The following GFRA3 variants were observed in gnomAD, a reference collection of about 807,000 sequenced individuals.
The protein encoded by GFRA3 is GDNF family receptor alpha 3.
A neutral mutation model predicts 40.0 loss-of-function variants in GFRA3; 24 were observed. The ratio of observed to expected loss-of-function variants is 0.60; its 90% CI spans 0.43 to 0.84. The LOEUF (loss-of-function observed/expected upper bound fraction) is 0.84. Among genes scored for constraint, GFRA3 ranks in the 40% least tolerant of loss-of-function variants. The probability of loss-of-function intolerance (pLI) is 0.00; values close to 1 mark genes in which losing one functional copy is unlikely to be tolerated. For synonymous variants in GFRA3, 203 were observed against 213.5 expected (o/e 0.95, Z 0.43); for missense variants, 405 against 530.6 (o/e 0.76, Z 2.33).
intron 1 of GFRA3, among the ~76,000 whole-genome samples, chr5:138,271,892 G>GTTTTTTTTTTTTTTTTTT (rs772736464): frequency 1.7e-5 from 1 of 59,684 alleles, no homozygotes. Context: ...TTTCTTTTCT[G>GTTTTTTTTTTTTTTTTTT]TTTTTTTTTT....
At chr5:138,253,717 G>A in intron 6 of GFRA3, 49 bp downstream of exon 6, 1 of 1,585,240 alleles carries the variant, frequency 6.3e-7, no homozygotes. Flanking sequence ...CTTCCCTTGA[G>A]TCCAGCTGAC....
chr5:138,271,403 C>T (rs973627053), intron 1 of GFRA3, among the ~76,000 whole-genome samples: 1 of 152,152 alleles, frequency 6.6e-6, no homozygotes, highest in Non-Finnish European at 1.5e-5. Flanking sequence ...GGGCATTCAT[C>T]TCAACAAAGA....
chr5:138,265,381 G>A (rs2126617478), intron 1 of GFRA3, among the ~76,000 whole-genome samples: 1 of 151,912 alleles, frequency 6.6e-6, no homozygotes, highest in South Asian at 2.1e-4. Context: ...CACACGCCCA[G>A]CTAATTTTAT....
chr5:138,265,307 C>T (rs529609977), intron 1 of GFRA3, among the ~76,000 whole-genome samples: 31 of 151,570 alleles, frequency 2.0e-4, no homozygotes, highest in Admixed American at 1.3e-3. Context: ...ACCTCCGCCT[C>T]CCGGGTTCAA....
intron 7 of GFRA3, 61 bp from the exon 8 acceptor site, chr5:138,253,118 A>C: frequency 1.0e-6 from 1 of 972,268 alleles, no homozygotes; most frequent in Non-Finnish European, 1.6e-6. Context: ...TCACTACCTC[A>C]GCCTCAGTCA....
At chr5:138,263,111 G>T (rs933256772) in intron 2 of GFRA3, among the ~76,000 whole-genome samples, 9 of 151,998 alleles carry the variant, frequency 5.9e-5, no homozygotes, top group African/African-American at 2.2e-4. Context: ...GATTACAGGT[G>T]CCCACCACCA....
At chr5:138,269,465 G>C (rs1755834755) in intron 1 of GFRA3, among the ~76,000 whole-genome samples, 1 of 151,934 alleles carries the variant, frequency 6.6e-6, no homozygotes, top group African/African-American at 2.4e-5. Flanking sequence ...GAACCCAGGA[G>C]GCGGAGGTTT....
chr5:138,257,278 T>A (rs1046313433), intron 4 of GFRA3, among the ~76,000 whole-genome samples: 5 of 152,080 alleles, frequency 3.3e-5, no homozygotes, highest in Admixed American at 1.3e-4. Flanking sequence ...ACATGTGCCG[T>A]AAGAGAAAAA....
At chr5:138,272,848 T>C (rs905118203) in intron 1 of GFRA3, among the ~76,000 whole-genome samples, 1 of 152,140 alleles carries the variant, frequency 6.6e-6, no homozygotes, top group Non-Finnish European at 1.5e-5. Context: ...CTATTTCATA[T>C]TGATTTGTTA....
chr5:138,258,080 C>T (rs1755658954), intron 3 of GFRA3, 129 bp from the exon 4 acceptor site: 6 of 701,450 alleles, frequency 8.6e-6, no homozygotes, highest in Non-Finnish European at 1.5e-5. Context: ...GAAGGCCTGT[C>T]ATGAATAAAC....
At chr5:138,257,142 T>C (rs1253976059) in intron 4 of GFRA3, among the ~76,000 whole-genome samples, 8 of 152,148 alleles carry the variant, frequency 5.3e-5, no homozygotes, top group African/African-American at 1.9e-4. Context: ...GGTTTAGTGA[T>C]GGAGTTTTTA....
At chr5:138,271,417 TGG>T (rs950275310) in intron 1 of GFRA3, among the ~76,000 whole-genome samples, 2 of 152,160 alleles carry the variant, frequency 1.3e-5, no homozygotes, top group Non-Finnish European at 2.9e-5. Flanking sequence ...ACAAAGAACT[TGG>T]GGGCCACGTT....
chr5:138,273,065 G>A (rs536346154), intron 1 of GFRA3, among the ~76,000 whole-genome samples: 2 of 152,166 alleles, frequency 1.3e-5, no homozygotes, highest in Non-Finnish European at 2.9e-5. Context: ...TCAAGACCGA[G>A]TCAAGGCTAG....
intron 2 of GFRA3, among the ~76,000 whole-genome samples, chr5:138,260,429 G>T (rs1755693628): frequency 6.6e-6 from 1 of 152,172 alleles, no homozygotes; most frequent in South Asian, 2.1e-4. Context: ...CCAGAGATTT[G>T]GGAATTGGTT....
At chr5:138,253,580 G>T (rs150011289) in intron 6 of GFRA3, among the ~76,000 whole-genome samples, 186 bp downstream of exon 6, 4 of 152,156 alleles carry the variant, frequency 2.6e-5, no homozygotes, top group Non-Finnish European at 5.9e-5. Context: ...AGGCAGCGTG[G>T]GAGGTTTCTC....
intron 1 of GFRA3, among the ~76,000 whole-genome samples, chr5:138,271,663 G>A (rs1396706568): frequency 2.2e-5 from 3 of 134,492 alleles, no homozygotes; most frequent in East Asian, 3.9e-4. Flanking sequence ...CTACAGTCTC[G>A]ACCTCCCAGG....
chr5:138,272,657 A>G (rs1755893293), intron 1 of GFRA3, among the ~76,000 whole-genome samples: 1 of 151,552 alleles, frequency 6.6e-6, no homozygotes, highest in Non-Finnish European at 1.5e-5. Context: ...AAAAAATCAG[A>G]TTTCAAATAA....
intron 1 of GFRA3, among the ~76,000 whole-genome samples, chr5:138,273,584 C>T (rs1234491776): frequency 6.6e-6 from 1 of 152,284 alleles, no homozygotes; most frequent in South Asian, 2.1e-4. Context: ...GGACTGAGGT[C>T]TCAGGGCAGT....
Position 138,257,674 on chromosome 5 carries a change from C to T in GFRA3, c.750G>A (p.Glu250=), listed in dbSNP as rs1755651157. The part of the protein sequence containing the change: ...ALPPVAPNCL[E]LRRLCFSDPL... The stretch of plus-strand genomic sequence containing the variant: ...GGTCGGAGAAGCAGAGGCGCCGCAG[C>T]TCCAGGCAGTTGGGGGCCACAGGCG... The change falls in exon 4 of 8, where the codon GAG becomes GAA. Residue 250 remains glutamate, a synonymous_variant. Coordinates refer to ENST00000274721, the MANE Select transcript of GFRA3 (RefSeq NM_001496.4). 5.6e-6 allele frequency: 9 copies of T among 1,610,310 alleles called. No homozygotes were observed. Among genetic ancestry groups the T allele is most frequent in the Non-Finnish European group, 5.9e-6 (7 of 1,179,208 alleles).
Sources: gnomAD v4.1 joint callset for allele counts (sites outside exome capture counted in the v4.1 genomes callset) on GRCh38, gnomAD v4.1.1 for gene constraint, MANE v1.5 for transcripts, NCBI Gene and HGNC (gene_info 2026-07-23, HGNC 2026-07-21) for gene names.